The following CDH10 variants were observed in gnomAD, a reference collection of about 807,000 sequenced individuals.
The protein encoded by CDH10 is cadherin 10, also known as cadherin-10.
Under a neutral mutation model 73.1 loss-of-function variants are expected in CDH10, and 30 were observed. The ratio of observed to expected loss-of-function variants is 0.41; its 90% CI spans 0.31 to 0.56. The LOEUF is 0.56. Ranked by LOEUF, CDH10 falls within the 20% of genes least tolerant of loss-of-function variation. The pLI is 0.27. For missense variants in CDH10, 815 were observed against 973.7 expected (o/e 0.84, Z 2.17); for synonymous variants, 345 against 348.2 (o/e 0.99, Z 0.10).
rs191793939 is a variant in CDH10, at chr5:24,608,446, C to T, written c.-123-14833G>A. Among the ~76,000 whole-genome samples the T allele has an allele frequency of 5.2e-3, 788 of 152,144 alleles. 4 individuals carry two copies. Among genetic ancestry groups the T allele is most frequent in the Non-Finnish European group, 9.2e-3 (626 of 67,992 alleles). On this transcript the variant is annotated intron_variant, in intron 1 of 11. Coordinates refer to ENST00000264463, the MANE Select transcript of CDH10 (RefSeq NM_006727.5). The stretch of plus-strand genomic sequence containing the variant: ...TAACTGGGACTAGAGGTGCGCACCA[C>T]CACGCCCAGCTAATTTTTGTATTTT...
chr5:24,546,653 T>C (rs1303872962), intron 2 of CDH10, among the ~76,000 whole-genome samples: 3 of 152,176 alleles, frequency 2.0e-5, no homozygotes, highest in Non-Finnish European at 2.9e-5. Context: ...GGTATACATA[T>C]ATAATTTGTG....
intron 11 of CDH10, 100 bp from the exon 12 acceptor site, chr5:24,488,253 T>C (rs1467088881): frequency 2.0e-6 from 2 of 1,000,808 alleles, no homozygotes; most frequent in African/African-American, 1.6e-5. Flanking sequence ...AGGCTTTCTA[T>C]AACAGCTTAG....
intron 5 of CDH10, among the ~76,000 whole-genome samples, chr5:24,525,434 C>A (rs1272865625): frequency 6.6e-6 from 1 of 151,978 alleles, no homozygotes; most frequent in Non-Finnish European, 1.5e-5. Context: ...GCACGATAAT[C>A]TCGAACAATA....
At chr5:24,536,227 C>T (rs1204251820) in intron 3 of CDH10, among the ~76,000 whole-genome samples, 1 of 152,012 alleles carries the variant, frequency 6.6e-6, no homozygotes, top group African/African-American at 2.4e-5. Flanking sequence ...AAATAATTAA[C>T]ATCTGCTCTA....
chr5:24,529,922 TG>T (rs1322084158), intron 5 of CDH10, among the ~76,000 whole-genome samples: 2 of 151,760 alleles, frequency 1.3e-5, no homozygotes, highest in Non-Finnish European at 2.9e-5. Context: ...CATTGTTAAG[TG>T]GAATTTGAAA....
chr5:24,602,607 T>C (rs914294879), intron 1 of CDH10, among the ~76,000 whole-genome samples: 2 of 152,128 alleles, frequency 1.3e-5, no homozygotes, highest in African/African-American at 4.8e-5. Flanking sequence ...AAATGTATTA[T>C]TGCATTGCAT....
At chr5:24,507,949 G>T (rs186254284) in intron 7 of CDH10, among the ~76,000 whole-genome samples, 1 of 152,224 alleles carries the variant, frequency 6.6e-6, no homozygotes, top group Admixed American at 6.5e-5. Context: ...AGTAACATAG[G>T]TATTCATAAA....
At chr5:24,539,570 T>G (rs2111905714) in intron 2 of CDH10, among the ~76,000 whole-genome samples, 1 of 152,150 alleles carries the variant, frequency 6.6e-6, no homozygotes, top group Non-Finnish European at 1.5e-5. Context: ...AACTACTTAT[T>G]AATACAGATA....
intron 1 of CDH10, among the ~76,000 whole-genome samples, chr5:24,624,540 C>T (rs1416016359): frequency 6.6e-6 from 1 of 152,120 alleles, no homozygotes; most frequent in African/African-American, 2.4e-5. Context: ...AATTGCATGG[C>T]TAAAGTCTAA....
At position 24,488,110 on chromosome 5, in the gene CDH10, T is replaced by C. The variant is rs2111612582; in HGVS notation, c.1920A>G (p.Lys640=). The change falls in exon 12 of 12, where the codon AAA becomes AAG. Residue 640 remains lysine (K), a synonymous_variant. Coordinates refer to ENST00000264463, the MANE Select transcript of CDH10 (RefSeq NM_006727.5). ...LFAALKRQRK[K]EPLILSKEDI... ...CTTCTTTTGACAAGATCAGAGGCTC[T>C]TTTTTTCGCTGTCTTTTCAGAGCTG... 1 of 1,611,364 alleles carries C rather than the reference T, an allele frequency of 6.2e-7. No homozygotes were observed. The highest frequency in any genetic ancestry group is 8.5e-7 in the Non-Finnish European group (1 of 1,178,550).
chr5:24,534,086 G>A (rs10942054), intron 5 of CDH10, among the ~76,000 whole-genome samples: 3,159 of 152,108 alleles, frequency 0.021, 117 homozygotes, highest in East Asian at 0.13. Context: ...CTTTTAAAGA[G>A]TCAAAACAAT....
At chr5:24,553,121 G>A (rs926218670) in intron 2 of CDH10, among the ~76,000 whole-genome samples, 3 of 152,098 alleles carry the variant, frequency 2.0e-5, no homozygotes, top group Non-Finnish European at 4.4e-5. Context: ...ATATTGAACC[G>A]ACCATTTCAT....
At chr5:24,586,673 G>A (rs1412300192) in intron 2 of CDH10, among the ~76,000 whole-genome samples, 2 of 151,386 alleles carry the variant, frequency 1.3e-5, no homozygotes, top group Non-Finnish European at 2.9e-5. Flanking sequence ...TCGAACTCCT[G>A]ACCTCAGGTG....
intron 8 of CDH10, among the ~76,000 whole-genome samples, chr5:24,502,121 A>G (rs1278148831): frequency 6.6e-6 from 1 of 151,888 alleles, no homozygotes; most frequent in Non-Finnish European, 1.5e-5. Flanking sequence ...AAGGGGTTTC[A>G]CGGTGTTAGC....
At chr5:24,537,230 T>C in intron 3 of CDH10, 150 bp downstream of exon 3, 1 of 548,594 alleles carries the variant, frequency 1.8e-6, no homozygotes, top group East Asian at 3.1e-5. Context: ...TTTTTTTTTC[T>C]GATTGTCTCC....
At chr5:24,601,224 T>A in intron 1 of CDH10, among the ~76,000 whole-genome samples, 1 of 152,294 alleles carries the variant, frequency 6.6e-6, no homozygotes, top group South Asian at 2.1e-4. Context: ...CATATCATCA[T>A]GGACTTTTGT....
chr5:24,513,876 G>T (rs1743010934), intron 5 of CDH10, among the ~76,000 whole-genome samples: 2 of 152,068 alleles, frequency 1.3e-5, no homozygotes, highest in Admixed American at 1.3e-4. Context: ...CTCCTCAAGA[G>T]CTTTCATTAA....
At chr5:24,491,496 A>G (rs2111634260) in intron 11 of CDH10, 80 bp downstream of exon 11, 2 of 1,270,660 alleles carry the variant, frequency 1.6e-6, no homozygotes, top group Non-Finnish European at 2.2e-6. Context: ...GTTTTGGGGG[A>G]GGGATTTTAA....
chr5:24,617,191 A>T (rs1054083097), intron 1 of CDH10, among the ~76,000 whole-genome samples: 2 of 152,044 alleles, frequency 1.3e-5, no homozygotes, highest in South Asian at 4.1e-4. Flanking sequence ...GGTTAGCAGC[A>T]TCCCCAGCCT....
Sources: gnomAD v4.1 joint callset for allele counts (sites outside exome capture counted in the v4.1 genomes callset) on GRCh38, gnomAD v4.1.1 for gene constraint, MANE v1.5 for transcripts, NCBI Gene and HGNC (gene_info 2026-07-23, HGNC 2026-07-21) for gene names.